Variants in GFRA2 observed in about 807,000 individuals in gnomAD.
GFRA2 encodes GDNF family receptor alpha 2.
In GFRA2, 17 loss-of-function variants were observed where a neutral mutation model predicts 48.3. That is an observed-to-expected ratio of 0.35 (90% confidence interval 0.24 to 0.53). The LOEUF is 0.53. Ranked by LOEUF, GFRA2 falls within the 20% of genes least tolerant of loss-of-function variation. GFRA2 has a pLI of 0.93. For missense variants in GFRA2, 660 were observed against 637.3 expected, an observed-to-expected ratio of 1.04 and a Z score of -0.38; for synonymous variants, 305 against 257.2, an observed-to-expected ratio of 1.19 and a Z score of -1.78.
At chr8:21,798,597 C>T (rs979692847) in intron 2 of GFRA2, among the ~76,000 whole-genome samples, 29 of 152,290 alleles carry the variant, frequency 1.9e-4, no homozygotes, top group African/African-American at 7.0e-4. Context: ...TCACAAGGGA[C>T]AAGGATGATC....
intron 3 of GFRA2, among the ~76,000 whole-genome samples, chr8:21,759,321 G>T (rs36156802): frequency 0.3 from 44,772 of 150,522 alleles, 7,152 homozygotes; most frequent in East Asian, 0.4. Context: ...AGGAGGCAGA[G>T]GTTGCAGAGA....
chr8:21,808,006 A>T (rs1480971345), intron 1 of GFRA2, among the ~76,000 whole-genome samples: 1 of 152,178 alleles, frequency 6.6e-6, no homozygotes, highest in East Asian at 1.9e-4. Context: ...CTTCCTACAA[A>T]TACACTCATA....
chr8:21,711,100 T>C (rs1157251390), intron 4 of GFRA2, among the ~76,000 whole-genome samples: 1 of 152,260 alleles, frequency 6.6e-6, no homozygotes, highest in Admixed American at 6.5e-5. Flanking sequence ...CCAAGGCAAA[T>C]GTTATGCTTT....
At chr8:21,695,200 T>C (rs1802099069) in intron 7 of GFRA2, among the ~76,000 whole-genome samples, 1 of 152,166 alleles carries the variant, frequency 6.6e-6, no homozygotes. Context: ...TCCAAGATTG[T>C]CTACCCTGGT....
chr8:21,771,453 C>T (rs886777742), intron 3 of GFRA2, among the ~76,000 whole-genome samples: 15 of 152,140 alleles, frequency 9.9e-5, no homozygotes, highest in Admixed American at 3.3e-4. Flanking sequence ...CTCCCTCCTT[C>T]GCCCTGGACT....
intron 7 of GFRA2, among the ~76,000 whole-genome samples, chr8:21,701,829 G>A (rs978019322): frequency 3.3e-5 from 5 of 152,160 alleles, no homozygotes; most frequent in African/African-American, 1.2e-4. Flanking sequence ...AGAATTAAAT[G>A]GGCCTCAGAA....
upstream of GFRA2, among the ~76,000 whole-genome samples, chr8:21,790,757 C>T (rs1317558084): frequency 6.6e-6 from 1 of 152,238 alleles, no homozygotes; most frequent in Non-Finnish European, 1.5e-5. Context: ...CCTGCCCTCC[C>T]TGTCATTCCT....
intron 7 of GFRA2, among the ~76,000 whole-genome samples, chr8:21,696,463 C>T (rs936997146): frequency 2.6e-5 from 4 of 152,166 alleles, no homozygotes; most frequent in African/African-American, 9.6e-5. Context: ...AAACAACCGA[C>T]AAGAAGGGCC....
Position 21,775,057 on chromosome 8 carries a change from TG to T in GFRA2, c.356-3del. Reference sequence around the variant, plus strand: ...GGGAGGCTTCGTAGAACTCCTCACCTGGAAGACAGAACAGGCATCAGATGCG... The same window carrying T: ...GGGAGGCTTCGTAGAACTCCTCACCTGAAGACAGAACAGGCATCAGATGCG... On this transcript the variant is annotated splice_region_variant and splice_polypyrimidine_tract_variant and intron_variant, in intron 2 of 8. Transcript: ENST00000524240. 6.5e-7 allele frequency: 1 copy of T among 1,540,390 alleles called. No individual in the cohort carries two copies. The highest frequency in any genetic ancestry group is 9.0e-7 in the Non-Finnish European group (1 of 1,113,572).
chr8:21,744,550 A>AGCACACACACAC (rs1206079453), intron 4 of GFRA2, among the ~76,000 whole-genome samples: 2 of 140,144 alleles, frequency 1.4e-5, no homozygotes, highest in African/African-American at 5.8e-5. Flanking sequence ...AACCACCACC[A>AGCACACACACAC]ACACACACAC....
At chr8:21,784,685 G>T (rs891935943) in intron 1 of GFRA2, among the ~76,000 whole-genome samples, 1 of 152,192 alleles carries the variant, frequency 6.6e-6, no homozygotes, top group African/African-American at 2.4e-5. Context: ...CTTCTTCGGG[G>T]CCCAGAGCAA....
chr8:21,788,581 G>C lies in GFRA2; in HGVS notation c.-422C>G. Reference sequence around the variant, plus strand: ...TTTGCGAGTGAAGGGCTGGAAGGAAGCGGCGAGGGAGGGGGTCGGAATAAA... The same window carrying C: ...TTTGCGAGTGAAGGGCTGGAAGGAACCGGCGAGGGAGGGGGTCGGAATAAA... On this transcript the variant is annotated 5_prime_UTR_variant, in exon 1 of 9. Transcript: ENST00000524240. The C allele has an allele frequency of 4.0e-6, 4 of 1,001,724 alleles. No homozygotes were observed. The highest frequency in any genetic ancestry group is 4.8e-6 in the Non-Finnish European group (4 of 841,230). The allele number at this position is 1,001,724 out of a possible 1,614,324, so 62.1% of individuals were successfully genotyped here. A position where few individuals can be genotyped will look rare whatever the true frequency, so the allele number is the denominator to read the frequency against.
At chr8:21,812,178 T>G (rs1293020697) in intron 1 of GFRA2, 1 of 152,218 alleles carries the variant, frequency 6.6e-6, no homozygotes, top group East Asian at 1.9e-4. Context: ...GGGACAGAAA[T>G]GGCCCAGGAC....
intron 3 of GFRA2, among the ~76,000 whole-genome samples, chr8:21,752,745 G>C (rs1020693271): frequency 1.3e-5 from 2 of 151,944 alleles, no homozygotes; most frequent in African/African-American, 2.4e-5. Flanking sequence ...CCCAAAACCT[G>C]GGGCTTCCCT....
chr8:21,701,121 G>T (rs374152814), intron 7 of GFRA2, among the ~76,000 whole-genome samples: 77 of 152,336 alleles, frequency 5.1e-4, no homozygotes, highest in African/African-American at 1.8e-3. Flanking sequence ...TGTGCCGGGC[G>T]CGGGGGCTCA....
intron 1 of GFRA2, among the ~76,000 whole-genome samples, chr8:21,809,517 A>C (rs1024847719): frequency 3.9e-5 from 6 of 151,948 alleles, no homozygotes; most frequent in Non-Finnish European, 7.4e-5. Flanking sequence ...TTAGTAGAAA[A>C]GGGGTTTCAC....
At chr8:21,701,083 T>C (rs912920086) in intron 7 of GFRA2, among the ~76,000 whole-genome samples, 8 of 152,206 alleles carry the variant, frequency 5.3e-5, no homozygotes, top group African/African-American at 1.9e-4. Flanking sequence ...GCTCCCAGCA[T>C]GGGATAGCAG....
chr8:21,802,954 C>T (rs956096425), intron 2 of GFRA2, among the ~76,000 whole-genome samples: 90 of 152,244 alleles, frequency 5.9e-4, no homozygotes, highest in African/African-American at 2.0e-3. Flanking sequence ...GGGATTTGTA[C>T]AGTACAAAGC....
chr8:21,727,962 T>C (rs1240252328), intron 4 of GFRA2, among the ~76,000 whole-genome samples: 1 of 152,208 alleles, frequency 6.6e-6, no homozygotes, highest in Admixed American at 6.5e-5. Context: ...GGCACACTCC[T>C]TCTACCATAG....
Sources: allele counts gnomAD v4.1 joint callset (sites outside exome capture counted in the v4.1 genomes callset), GRCh38; gene constraint gnomAD v4.1.1; transcripts MANE v1.5; gene names NCBI Gene and HGNC (gene_info 2026-07-23, HGNC 2026-07-21).